Variants in MYOC observed in about 807,000 individuals in gnomAD.
MYOC encodes the protein juvenile-onset open-angle glaucoma 1.
Under a neutral mutation model 28.2 loss-of-function variants are expected in MYOC, and 29 were observed. That is an observed-to-expected ratio of 1.03 (90% CI 0.77 to 1.40). MYOC has a LOEUF of 1.40. MYOC is among the 40% of genes most tolerant of loss of function. The pLI is 0.00. For synonymous variants in MYOC, 240 were observed against 245.6 expected, an observed-to-expected ratio of 0.98 and a Z score of 0.21; for missense variants, 569 against 620.6, an observed-to-expected ratio of 0.92 and a Z score of 0.88.
chr1:171,647,731 G>A (rs1029078183), intron 1 of MYOC, among the ~76,000 whole-genome samples: 4 of 152,176 alleles, frequency 2.6e-5, no homozygotes, highest in African/African-American at 9.7e-5. Context: ...CAGCACTTGT[G>A]TTGAACACCT....
Position 171,635,538 on chromosome 1 carries a change from G to A in MYOC, c.*387C>T, listed in dbSNP as rs913362953. ...TTACTTATATTCGATGCTGGCCAGAGGAGCTATTCTGCTTCCTTTAGAAGT... is the reference window on the plus strand; with the variant it reads ...TTACTTATATTCGATGCTGGCCAGAAGAGCTATTCTGCTTCCTTTAGAAGT... On this transcript the variant is annotated 3_prime_UTR_variant, in exon 3 of 3. Coordinates refer to ENST00000037502, the MANE Select transcript of MYOC (RefSeq NM_000261.2). 3 of 381,900 alleles carry A rather than the reference G, an allele frequency of 7.9e-6. No homozygotes were observed. The highest frequency in any genetic ancestry group is 8.2e-5 in the Admixed American group (2 of 24,408). The allele number at this position is 381,900 out of a possible 1,614,324, so 23.7% of individuals were successfully genotyped here.
chr1:171,636,704 C>T lies in MYOC; in HGVS notation c.736G>A (p.Gly246Arg), dbSNP rs2102944873. ...LRSGEGDTGC[G>R]ELVWVGEPLT... ...GGCTCTCCTACCCAAACTAGTTCTC[C>T]ACATCCTGGTAAATTCAGAAAAGAA... Residue 246 changes from glycine to arginine, a missense_variant, in exon 3 of 3, where the codon GGA (glycine) becomes AGA (arginine). Physicochemically the swap from Gly to Arg is moderately radical, Grantham distance 125. Transcript: ENST00000037502. 1 of 1,601,418 alleles carries T rather than the reference C, an allele frequency of 6.2e-7. No homozygotes were observed. Among genetic ancestry groups the T allele is most frequent in the Non-Finnish European group, 8.5e-7 (1 of 1,179,938 alleles).
chr1:171,638,690 G>A lies in MYOC; in HGVS notation c.637C>T (p.Gln213Ter). 6.2e-7 allele frequency: 1 copy of A among 1,614,158 alleles called. No homozygotes were observed. Among genetic ancestry groups the A allele is most frequent in the Non-Finnish European group, 8.5e-7 (1 of 1,180,004 alleles). The change falls in exon 2 of 3, where the codon CAG (glutamine) becomes TAG (stop). Residue 213 changes from glutamine to a stop codon, truncating the protein, a stop_gained. Transcript: ENST00000037502. LOFTEE classifies it high-confidence loss of function. ...STWNLDTLAF[Q>*]ELKSELTEVP... ...TCAGTTAGCTCGGACTTCAGTTCCT[G>A]GAAGGCCAAAGTGTCCAAATTCCAC...
rs750791099 is a variant in MYOC, at chr1:171,636,031, C to A, written c.1409G>T (p.Arg470Leu). The change falls in exon 3 of 3, where the codon CGC (arginine) becomes CTC (leucine). Residue 470 changes from arginine to leucine, a missense_variant. Coordinates refer to ENST00000037502, the MANE Select transcript of MYOC (RefSeq NM_000261.2). ...GTCAATCATGCTGCTGTACTTATAG[C>A]GGTTCTTGAATGGGATGGTCAGGGT... ...SKTLTIPFKN[R>L]YKYSSMIDYN... 6.2e-7 allele frequency: 1 copy of A among 1,614,042 alleles called. No homozygotes were observed. The highest frequency in any genetic ancestry group is 1.3e-5 in the African/African-American group (1 of 74,910).
rs764615588 is a variant in MYOC, at chr1:171,638,772, A to AG, written c.605-51dup. The AG allele has an allele frequency of 3.1e-6, 5 of 1,603,020 alleles. No individual in the cohort carries two copies. In the East Asian group the frequency reaches 1.1e-4, roughly 36 times the overall value. On this transcript the variant is annotated intron_variant, in intron 1 of 2. Coordinates refer to ENST00000037502, the MANE Select transcript of MYOC (RefSeq NM_000261.2). The stretch of plus-strand genomic sequence containing the variant: ...TTTTACTGTAAGAAAAAATGGCCCA[A>AG]GGATTGACTATGTTGAGGATGACAT...
intron 1 of MYOC, among the ~76,000 whole-genome samples, chr1:171,641,213 A>AG (rs1396555486): frequency 2.6e-5 from 4 of 151,404 alleles, no homozygotes; most frequent in African/African-American, 7.3e-5. Context: ...CTGCTCTAAA[A>AG]AAAAATTATC....
intron 1 of MYOC, among the ~76,000 whole-genome samples, chr1:171,643,578 G>T (rs1407384423): frequency 1.3e-5 from 2 of 152,202 alleles, no homozygotes; most frequent in Non-Finnish European, 2.9e-5. Flanking sequence ...CAAGTTCCTT[G>T]AATTGAGCTG....
chr1:171,641,343 C>T (rs909167969), intron 1 of MYOC, among the ~76,000 whole-genome samples: 12 of 152,082 alleles, frequency 7.9e-5, no homozygotes, highest in African/African-American at 2.7e-4. Context: ...TGTGGGAAAG[C>T]GCCTTTATTC....
chr1:171,643,831 C>G (rs1653136322), intron 1 of MYOC, among the ~76,000 whole-genome samples: 1 of 151,932 alleles, frequency 6.6e-6, no homozygotes, highest in Non-Finnish European at 1.5e-5. Flanking sequence ...ATTAGCCGGG[C>G]ATAGTGGCAC....
intron 1 of MYOC, among the ~76,000 whole-genome samples, chr1:171,649,046 A>G (rs28715205): frequency 6.6e-6 from 1 of 151,702 alleles, no homozygotes; most frequent in East Asian, 1.9e-4. Context: ...TTATATATGT[A>G]TATATATGAA....
At position 171,636,715 on chromosome 1, in the gene MYOC, A is replaced by G; in HGVS notation, c.731-6T>C. ...CCAAACTAGTTCTCCACATCCTGGT[A>G]AATTCAGAAAAGAAAACGAAGCACC... On this transcript the variant is annotated splice_region_variant and splice_polypyrimidine_tract_variant and intron_variant, in intron 2 of 2. Coordinates refer to ENST00000037502, the MANE Select transcript of MYOC (RefSeq NM_000261.2). 1 of 1,600,464 alleles carries G rather than the reference A, an allele frequency of 6.2e-7. No individual in the cohort carries two copies. The highest frequency in any genetic ancestry group is 1.1e-5 in the South Asian group (1 of 91,086).
chr1:171,642,587 C>A (rs894560008), intron 1 of MYOC, among the ~76,000 whole-genome samples: 1 of 148,826 alleles, frequency 6.7e-6, no homozygotes, highest in Non-Finnish European at 1.5e-5. Flanking sequence ...GCACTCCAGT[C>A]TGGGTGACAG....
Position 171,652,401 on chromosome 1 carries a change from T to A in MYOC, c.211A>T (p.Ile71Phe). ...CTGCTGTCTCTCTGTAAGTTATGGA[T>A]GACTGACATGGCCTGGCTCTGCTCT... ...CPEQSQAMSV[I>F]HNLQRDSSTQ... The change falls in exon 1 of 3, where the codon ATC becomes TTC. Residue 71 changes from isoleucine to phenylalanine, a missense_variant. Physicochemically the swap from Ile to Phe is conservative, Grantham distance 21 (BLOSUM62 0). Transcript: ENST00000037502. The A allele has an allele frequency of 6.2e-7, 1 of 1,613,946 alleles. No individual in the cohort carries two copies. Among genetic ancestry groups the A allele is most frequent in the African/African-American group, 1.3e-5 (1 of 75,056 alleles).
intron 1 of MYOC, among the ~76,000 whole-genome samples, chr1:171,649,366 C>T (rs1441354648): frequency 2.0e-5 from 3 of 152,158 alleles, no homozygotes; most frequent in Non-Finnish European, 2.9e-5. Context: ...GACTTATATT[C>T]CAGCCTCCAG....
At chr1:171,639,776 T>C (rs1470714606) in intron 1 of MYOC, among the ~76,000 whole-genome samples, 1 of 147,680 alleles carries the variant, frequency 6.8e-6, no homozygotes, top group African/African-American at 2.5e-5. Flanking sequence ...CGTGGTGAAA[T>C]TCCATCTTTA....
Position 171,641,907 on chromosome 1 carries a change from G to A in MYOC, c.605-3185C>T, listed in dbSNP as rs901164810. Among the ~76,000 whole-genome samples, 13 of 152,370 alleles carry A rather than the reference G, an allele frequency of 8.5e-5. 1 individual carries two copies. Among genetic ancestry groups the A allele is most frequent in the Non-Finnish European group, 1.3e-4 (9 of 68,044 alleles). On this transcript the variant is annotated intron_variant, in intron 1 of 2. Transcript: ENST00000037502. ...CTCCTAAATTTAGATTTCAGGCAGAGAGGATCACCACAGAAGTCTTAATCC... is the reference window on the plus strand; with the variant it reads ...CTCCTAAATTTAGATTTCAGGCAGAAAGGATCACCACAGAAGTCTTAATCC...
rs181923440 is a variant in MYOC at position 171,636,576 on chromosome 1, G to A, written c.864C>T (p.Ile288=). ...YPYTQETTWR[I]DTVGTDVRQV... The stretch of plus-strand genomic sequence containing the variant: ...GGCGGACATCCGTGCCAACTGTGTC[G>A]ATTCTCCACGTGGTCTCCTGGGTGT... Residue 288 remains isoleucine (I), a synonymous_variant, in exon 3 of 3, where the codon ATC becomes ATT. Transcript: ENST00000037502. 8.8e-5 allele frequency: 142 copies of A among 1,610,780 alleles called. 1 individual carries two copies. The East Asian group carries it at 2.0e-3, about 22-fold the overall frequency.
At chr1:171,647,289 G>T (rs1653227742) in intron 1 of MYOC, among the ~76,000 whole-genome samples, 1 of 152,218 alleles carries the variant, frequency 6.6e-6, no homozygotes, top group African/African-American at 2.4e-5. Context: ...ACTTTGGGAG[G>T]CTGAGGCGGG....
chr1:171,642,016 T>C (rs1320638240), intron 1 of MYOC, among the ~76,000 whole-genome samples: 1 of 152,234 alleles, frequency 6.6e-6, no homozygotes, highest in Non-Finnish European at 1.5e-5. Context: ...TTTGAGTTGC[T>C]GGGGTTCAGC....
Sources: allele counts gnomAD v4.1 joint callset (sites outside exome capture counted in the v4.1 genomes callset), GRCh38; gene constraint gnomAD v4.1.1; transcripts MANE v1.5; gene names NCBI Gene and HGNC (gene_info 2026-07-23, HGNC 2026-07-21).